Variants in LRRC7 observed in about 807,000 individuals in gnomAD.
LRRC7 encodes leucine-rich repeat-containing protein 7.
In LRRC7, 23 loss-of-function variants were observed where a neutral mutation model predicts 175.7. The ratio of observed to expected loss-of-function variants is 0.13; its 90% CI spans 0.09 to 0.19. The LOEUF is 0.19. LRRC7 is among the 10% of genes least tolerant of loss of function. The probability of loss-of-function intolerance (pLI) is 1.00; values close to 1 mark genes in which losing one functional copy is unlikely to be tolerated. For missense variants in LRRC7, 1,354 were observed against 1,904.7 expected (o/e 0.71, Z 5.38); for synonymous variants, 685 against 680.9 (o/e 1.01, Z -0.09).
intron 1 of LRRC7, among the ~76,000 whole-genome samples, chr1:69,575,824 G>A (rs1434121146): frequency 6.6e-6 from 1 of 152,146 alleles, no homozygotes; most frequent in Non-Finnish European, 1.5e-5. Context: ...TTTAAGTGCT[G>A]TTAGGGCTTT....
intron 8 of LRRC7, among the ~76,000 whole-genome samples, chr1:69,941,833 A>C (rs1401119769): frequency 1.3e-5 from 2 of 152,046 alleles, no homozygotes; most frequent in African/African-American, 4.8e-5. Flanking sequence ...TTTCCATGTG[A>C]CAAACATCGT....
At chr1:69,571,267 G>A (rs1225772674) in intron 1 of LRRC7, among the ~76,000 whole-genome samples, 1 of 152,190 alleles carries the variant, frequency 6.6e-6, no homozygotes, top group East Asian at 1.9e-4. Flanking sequence ...ACCTGGTCCA[G>A]TTGCAGTAGC....
intron 7 of LRRC7, among the ~76,000 whole-genome samples, chr1:69,911,669 G>C (rs1288456740): frequency 6.6e-6 from 1 of 152,180 alleles, no homozygotes; most frequent in Non-Finnish European, 1.5e-5. Context: ...AAATTTGGAT[G>C]ATGACTATAT....
chr1:69,832,033 A>T (rs1041568259), intron 5 of LRRC7, among the ~76,000 whole-genome samples: 1 of 152,206 alleles, frequency 6.6e-6, no homozygotes, highest in African/African-American at 2.4e-5. Flanking sequence ...AATCAGTATG[A>T]AAATATAAAT....
At chr1:69,673,038 G>GGT (rs1659306804) in intron 1 of LRRC7, among the ~76,000 whole-genome samples, 9 of 152,162 alleles carry the variant, frequency 5.9e-5, no homozygotes, top group Admixed American at 5.9e-4. Context: ...TCACCTGAAT[G>GGT]AATTCAATGG....
intron 11 of LRRC7, among the ~76,000 whole-genome samples, chr1:70,006,939 G>A (rs1165804469): frequency 6.6e-6 from 1 of 152,142 alleles, no homozygotes; most frequent in Non-Finnish European, 1.5e-5. Context: ...GGGATGAGGA[G>A]CTTCCATGTC....
intron 3 of LRRC7, among the ~76,000 whole-genome samples, chr1:69,771,177 T>C (rs1480490835): frequency 6.6e-6 from 1 of 152,192 alleles, no homozygotes; most frequent in Non-Finnish European, 1.5e-5. Flanking sequence ...GCAATTATTT[T>C]GGCATTTAAA....
chr1:69,717,757 TGAAAAAAAGAAAAAAA>T (rs1234460907), intron 2 of LRRC7, among the ~76,000 whole-genome samples: 1,757 of 63,510 alleles, frequency 0.028, 402 homozygotes, highest in South Asian at 0.044. Flanking sequence ...TATTGGAACA[TGAAAAAAAGAAAAAAA>T]GAAAGAAAGA....
chr1:69,890,172 G>A (rs1645790892), intron 7 of LRRC7, among the ~76,000 whole-genome samples: 1 of 152,134 alleles, frequency 6.6e-6, no homozygotes, highest in Non-Finnish European at 1.5e-5. Context: ...CTTTGCCCAG[G>A]TCCATGTGAG....
chr1:69,715,055 T>C (rs1418526201), intron 2 of LRRC7, among the ~76,000 whole-genome samples: 1 of 152,190 alleles, frequency 6.6e-6, no homozygotes, highest in South Asian at 2.1e-4. Context: ...AGTTCCAAAT[T>C]CAAGAAAAGA....
intron 1 of LRRC7, among the ~76,000 whole-genome samples, chr1:69,632,573 G>A (rs1387118518): frequency 6.6e-6 from 1 of 151,924 alleles, no homozygotes; most frequent in Non-Finnish European, 1.5e-5. Context: ...CCAAATCACT[G>A]TTCTATTATC....
At chr1:70,023,774 G>A (rs1657777340) in intron 17 of LRRC7, among the ~76,000 whole-genome samples, 1 of 152,086 alleles carries the variant, frequency 6.6e-6, no homozygotes, top group Admixed American at 6.6e-5. Flanking sequence ...AGATTAAATA[G>A]CTAAAACTTA....
At chr1:69,581,100 G>C (rs902787563) in intron 1 of LRRC7, among the ~76,000 whole-genome samples, 13 of 152,170 alleles carry the variant, frequency 8.5e-5, no homozygotes, top group Non-Finnish European at 1.9e-4. Flanking sequence ...GCAGACATGA[G>C]CCAGACATCC....
chr1:69,672,175 G>A (rs1375651384), intron 1 of LRRC7, among the ~76,000 whole-genome samples: 8 of 152,058 alleles, frequency 5.3e-5, no homozygotes, highest in South Asian at 4.2e-4. Flanking sequence ...TTAAATTGGC[G>A]TCCTATCAGG....
At chr1:69,678,879 A>AT (rs1208026397) in intron 2 of LRRC7, among the ~76,000 whole-genome samples, 1 of 151,924 alleles carries the variant, frequency 6.6e-6, no homozygotes, top group South Asian at 2.1e-4. Context: ...CTCTTTTAAC[A>AT]TTTTTTTTAA....
chr1:69,595,313 G>A (rs925359603), intron 1 of LRRC7, among the ~76,000 whole-genome samples: 3 of 152,068 alleles, frequency 2.0e-5, no homozygotes, highest in African/African-American at 2.4e-5. Flanking sequence ...CCAGCTACTC[G>A]GGAGGCTGAG....
At chr1:69,953,104 T>A (rs910397988) in intron 8 of LRRC7, among the ~76,000 whole-genome samples, 2 of 151,956 alleles carry the variant, frequency 1.3e-5, no homozygotes, top group Admixed American at 1.3e-4. Flanking sequence ...TGGCCCAGTT[T>A]ACCTTTCTGG....
intron 1 of LRRC7, among the ~76,000 whole-genome samples, chr1:69,582,074 C>A (rs1245059): frequency 0.4 from 61,400 of 151,964 alleles, 13,235 homozygotes; most frequent in Middle Eastern, 0.48. Context: ...TTCATCTTCA[C>A]ATTTTTTTTC....
intron 2 of LRRC7, among the ~76,000 whole-genome samples, chr1:69,691,926 T>G (rs1661940231): frequency 1.3e-5 from 2 of 152,120 alleles, no homozygotes; most frequent in Admixed American, 1.3e-4. Context: ...CAAAACAATT[T>G]TGAAACCAAT....
Sources: gnomAD v4.1 joint callset for allele counts (sites outside exome capture counted in the v4.1 genomes callset) on GRCh38, gnomAD v4.1.1 for gene constraint, MANE v1.5 for transcripts, NCBI Gene and HGNC (gene_info 2026-07-23, HGNC 2026-07-21) for gene names.